Variants in DENND2A observed in about 807,000 individuals in gnomAD.
DENND2A encodes DENN domain containing 2A.
A neutral mutation model predicts 105.3 loss-of-function variants in DENND2A; 53 were observed. The ratio of observed to expected loss-of-function variants is 0.50; its 90% CI spans 0.40 to 0.63. The LOEUF is 0.63. Among genes scored for constraint, DENND2A ranks in the 30% least tolerant of loss-of-function variants. The pLI is 0.00. For synonymous variants in DENND2A, 522 were observed against 508.4 expected, an observed-to-expected ratio of 1.03 and a Z score of -0.36; for missense variants, 1,138 against 1,279.6, an observed-to-expected ratio of 0.89 and a Z score of 1.69.
intron 1 of DENND2A, among the ~76,000 whole-genome samples, chr7:140,626,403 C>G (rs1245449986): frequency 6.6e-6 from 1 of 152,110 alleles, no homozygotes; most frequent in African/African-American, 2.4e-5. Flanking sequence ...GGATAGTAAT[C>G]CTGAGAATGG....
chr7:140,596,277 C>T (rs940800706), intron 3 of DENND2A, among the ~76,000 whole-genome samples: 4 of 152,174 alleles, frequency 2.6e-5, no homozygotes, highest in African/African-American at 9.7e-5. Context: ...AAATAAATGG[C>T]TTTACTAAAT....
At chr7:140,574,958 T>C (rs1798242672) in intron 5 of DENND2A, among the ~76,000 whole-genome samples, 1 of 152,100 alleles carries the variant, frequency 6.6e-6, no homozygotes. Context: ...AGGCGGATGT[T>C]GCAGTGAGCT....
chr7:140,583,821 G>C (rs950189972), intron 5 of DENND2A, among the ~76,000 whole-genome samples: 2 of 149,114 alleles, frequency 1.3e-5, no homozygotes, highest in Non-Finnish European at 2.9e-5. Context: ...AGCTACTCGG[G>C]AGGCTGAGGC....
chr7:140,530,341 A>G (rs116063057), intron 14 of DENND2A, among the ~76,000 whole-genome samples: 2,226 of 152,244 alleles, frequency 0.015, 60 homozygotes, highest in African/African-American at 0.051. Flanking sequence ...CCATTCCCCA[A>G]TTTGGGGGCC....
intron 12 of DENND2A, among the ~76,000 whole-genome samples, chr7:140,552,820 C>T (rs983223256): frequency 9.2e-5 from 14 of 152,176 alleles, no homozygotes; most frequent in Admixed American, 7.2e-4. Context: ...ATCTACTGGC[C>T]TCAGCCTCCT....
At chr7:140,546,757 C>T (rs1211080414) in intron 13 of DENND2A, 42 bp downstream of exon 13, 1 of 1,608,342 alleles carries the variant, frequency 6.2e-7, no homozygotes, top group Non-Finnish European at 8.5e-7. Context: ...GCTGTCTGGG[C>T]CACTGCCTCC....
chr7:140,535,565 GCTT>G (rs1275566418), intron 14 of DENND2A, among the ~76,000 whole-genome samples: 3 of 150,818 alleles, frequency 2.0e-5, no homozygotes, highest in South Asian at 2.1e-4. Flanking sequence ...TGTCCTTCCA[GCTT>G]CTTTTTTTTT....
chr7:140,622,537 G>A (rs1056108523), intron 1 of DENND2A, among the ~76,000 whole-genome samples: 1 of 151,806 alleles, frequency 6.6e-6, no homozygotes, highest in Admixed American at 6.6e-5. Context: ...ATGCTCTTTC[G>A]GAGGCTCAGC....
At chr7:140,560,462 CTT>C (rs1356322600) in intron 9 of DENND2A, among the ~76,000 whole-genome samples, 1 of 152,204 alleles carries the variant, frequency 6.6e-6, no homozygotes, top group Middle Eastern at 3.4e-3. Flanking sequence ...CTCTCTCTCT[CTT>C]TATGATATTC....
At chr7:140,579,900 G>A (rs955252488) in intron 5 of DENND2A, among the ~76,000 whole-genome samples, 1 of 152,192 alleles carries the variant, frequency 6.6e-6, no homozygotes. Context: ...GGGAGGCAAA[G>A]GTGGGTGGAT....
chr7:140,526,529 C>CGGAG (rs1796061600), intron 15 of DENND2A, among the ~76,000 whole-genome samples: 1 of 152,150 alleles, frequency 6.6e-6, no homozygotes, highest in Admixed American at 6.5e-5. Context: ...TGCCCAGGAG[C>CGGAG]GGAGGGCCAC....
At chr7:140,574,878 G>A (rs1798238612) in intron 5 of DENND2A, among the ~76,000 whole-genome samples, 1 of 151,982 alleles carries the variant, frequency 6.6e-6, no homozygotes, top group African/African-American at 2.4e-5. Flanking sequence ...AAATTAGCCA[G>A]GCGTGGTGGC....
intron 12 of DENND2A, among the ~76,000 whole-genome samples, chr7:140,550,442 C>T (rs1797084757): frequency 6.6e-6 from 1 of 152,162 alleles, no homozygotes; most frequent in South Asian, 2.1e-4. Flanking sequence ...ACTGCAACCT[C>T]TGCTTGCCAG....
rs533876554 is a variant in DENND2A at position 140,625,553 on chromosome 7, G to A, written c.-248+14951C>T. ...AAAAATTAGCTGGACCTGGTGGCGT[G>A]TGCCTGTAAACTCAGCTTCTGTGGA... is the stretch of plus-strand genomic sequence containing the variant. On this transcript the variant is annotated intron_variant, in intron 1 of 19. Transcript: ENST00000496613. Among the ~76,000 whole-genome samples, 3 of 151,998 alleles carry A rather than the reference G, an allele frequency of 2.0e-5. No individual in the cohort carries two copies. The South Asian group carries it at 6.2e-4, about 32-fold the overall frequency.
At chr7:140,533,212 C>T (rs540167740) in intron 14 of DENND2A, among the ~76,000 whole-genome samples, 5 of 152,182 alleles carry the variant, frequency 3.3e-5, no homozygotes, top group African/African-American at 1.2e-4. Flanking sequence ...AGGATGGTCT[C>T]GATTTCTTGA....
rs751415526 is a variant in DENND2A, at chr7:140,601,602, G to C, written c.796C>G (p.Leu266Val). The C allele has an allele frequency of 1.1e-5, 18 of 1,613,952 alleles. No individual in the cohort carries two copies. Among genetic ancestry groups the C allele is most frequent in the Non-Finnish European group, 1.4e-5 (17 of 1,179,902 alleles). The stretch of plus-strand genomic sequence containing the variant: ...TTGAACGTTCTCCGGGGTTTTGGCA[G>C]AGGGTTGATGAAGGGCTTTGTGGGG... ...GSPTKPFINP[L>V]PKPRRTFKHA... Residue 266 changes from leucine to valine, a missense_variant, in exon 3 of 20, where the codon CTG becomes GTG. Coordinates refer to ENST00000496613, the MANE Select transcript of DENND2A (RefSeq NM_015689.5).
At chr7:140,604,157 T>G (rs1563173178) in intron 2 of DENND2A, among the ~76,000 whole-genome samples, 1 of 152,216 alleles carries the variant, frequency 6.6e-6, no homozygotes, top group Non-Finnish European at 1.5e-5. Context: ...GCATGGAAAT[T>G]CTGAAACTCC....
chr7:140,547,687 TTGTC>T (rs373341700), intron 12 of DENND2A, among the ~76,000 whole-genome samples: 35 of 152,208 alleles, frequency 2.3e-4, no homozygotes, highest in African/African-American at 7.0e-4. Flanking sequence ...TTGTACATGA[TTGTC>T]TGTAGCGGCA....
chr7:140,550,986 G>A (rs1585607764), intron 12 of DENND2A, among the ~76,000 whole-genome samples: 1 of 151,834 alleles, frequency 6.6e-6, no homozygotes, highest in African/African-American at 2.4e-5. Flanking sequence ...TGAAAAGGCT[G>A]CTTAGGGGGA....
Sources: gnomAD v4.1 joint callset for allele counts (sites outside exome capture counted in the v4.1 genomes callset) on GRCh38, gnomAD v4.1.1 for gene constraint, MANE v1.5 for transcripts, NCBI Gene and HGNC (gene_info 2026-07-23, HGNC 2026-07-21) for gene names.